Variants in ADGRL2 observed in about 807,000 individuals in gnomAD.
ADGRL2 encodes adhesion G protein-coupled receptor L2, also known as calcium-independent alpha-latrotoxin receptor 2.
Under a neutral mutation model 157.4 loss-of-function variants are expected in ADGRL2, and 44 were observed. The observed-to-expected ratio is 0.28, with a 90% confidence interval of 0.22 to 0.36. The LOEUF is 0.36. Among genes scored for constraint, ADGRL2 ranks in the 10% least tolerant of loss-of-function variants. The probability of loss-of-function intolerance (pLI) is 1.00; values close to 1 mark genes in which losing one functional copy is unlikely to be tolerated. For missense variants in ADGRL2, 1,510 were observed against 1,768.9 expected (o/e 0.85, Z 2.63); for synonymous variants, 585 against 624.7 (o/e 0.94, Z 0.95).
intron 1 of ADGRL2, among the ~76,000 whole-genome samples, chr1:81,372,624 T>C (rs1439475674): frequency 6.6e-6 from 1 of 152,258 alleles, no homozygotes; most frequent in African/African-American, 2.4e-5. Flanking sequence ...TTATTTTCTC[T>C]GTTACTCCAT....
chr1:81,588,816 C>G (rs905412597), intron 3 of ADGRL2, among the ~76,000 whole-genome samples: 2 of 152,188 alleles, frequency 1.3e-5, no homozygotes, highest in Non-Finnish European at 2.9e-5. Flanking sequence ...ATTTATCCTG[C>G]CAATACAGTA....
chr1:81,906,411 A>C (rs753296916), intron 2 of ADGRL2, among the ~76,000 whole-genome samples: 2 of 152,188 alleles, frequency 1.3e-5, no homozygotes, highest in Non-Finnish European at 2.9e-5. Flanking sequence ...GGATGGGAGC[A>C]GTGCTAGCTC....
chr1:81,836,779 C>T, intron 1 of ADGRL2, 106 bp from the exon 2 acceptor site: 1 of 428,008 alleles, frequency 2.3e-6, no homozygotes, highest in Non-Finnish European at 4.1e-6. Context: ...GACATAGAAT[C>T]AAAATATGTT....
intron 2 of ADGRL2, among the ~76,000 whole-genome samples, chr1:81,474,612 T>C (rs1192728504): frequency 6.6e-6 from 1 of 152,168 alleles, no homozygotes; most frequent in Non-Finnish European, 1.5e-5. Flanking sequence ...GCAAATGCAG[T>C]CCATTTTAGA....
chr1:81,428,520 G>GC (rs2077260712), intron 1 of ADGRL2, among the ~76,000 whole-genome samples: 1 of 152,178 alleles, frequency 6.6e-6, no homozygotes, highest in African/African-American at 2.4e-5. Flanking sequence ...GGGAGTCATA[G>GC]CAAGTATGAA....
At chr1:81,765,261 G>A (rs10874268) in intron 2 of ADGRL2, among the ~76,000 whole-genome samples, 99,840 of 151,666 alleles carry the variant, frequency 0.66, 33,726 homozygotes, top group East Asian at 0.97. Flanking sequence ...GAAATCAAAT[G>A]TTTAAATATA....
chr1:81,460,128 C>A (rs764630237), intron 2 of ADGRL2, among the ~76,000 whole-genome samples: 12 of 151,890 alleles, frequency 7.9e-5, no homozygotes, highest in Non-Finnish European at 1.6e-4. Context: ...ACCTGTTGCC[C>A]ATTTGTATTT....
chr1:81,415,805 T>C (rs1353765807), intron 1 of ADGRL2, among the ~76,000 whole-genome samples: 2 of 151,870 alleles, frequency 1.3e-5, no homozygotes, highest in African/African-American at 4.8e-5. Flanking sequence ...AATGGATGAA[T>C]ACATGAATAA....
At chr1:81,546,001 C>T (rs2080007917) in intron 2 of ADGRL2, among the ~76,000 whole-genome samples, 1 of 152,170 alleles carries the variant, frequency 6.6e-6, no homozygotes, top group Admixed American at 6.5e-5. Flanking sequence ...TATCCTGCCA[C>T]TGGGTGCGGG....
intron 1 of ADGRL2, among the ~76,000 whole-genome samples, chr1:81,741,899 T>C (rs2149225060): frequency 6.6e-6 from 1 of 152,050 alleles, no homozygotes; most frequent in South Asian, 2.1e-4. Context: ...TTGCCAAGGA[T>C]TTTGATACAA....
chr1:81,509,519 G>A (rs541457258), intron 2 of ADGRL2, among the ~76,000 whole-genome samples: 28 of 152,210 alleles, frequency 1.8e-4, no homozygotes, highest in South Asian at 1.7e-3. Flanking sequence ...TTGACACACC[G>A]TTCGTACGAA....
intron 1 of ADGRL2, among the ~76,000 whole-genome samples, chr1:81,803,698 C>T (rs1336990366): frequency 6.6e-6 from 1 of 152,102 alleles, no homozygotes; most frequent in Non-Finnish European, 1.5e-5. Context: ...TGAGCTGCAG[C>T]TACCAACCAT....
rs149028854 is a variant in ADGRL2 at position 81,563,319 on chromosome 1, C to T, written c.-247-17557C>T. Among the ~76,000 whole-genome samples, 637 of 152,246 alleles carry T rather than the reference C, an allele frequency of 4.2e-3. 7 individuals carry two copies. The highest frequency in any genetic ancestry group is 0.015 in the African/African-American group (616 of 41,554). On this transcript the variant is annotated intron_variant, in intron 2 of 24. Coordinates refer to the ADGRL2 transcript ENST00000370721. ...GGTGGTTTTTATTGCTCTTCCTTGACAACCTTCTGGTGTCTGTGTCACTAT... is the reference window on the plus strand; with the variant it reads ...GGTGGTTTTTATTGCTCTTCCTTGATAACCTTCTGGTGTCTGTGTCACTAT...
chr1:81,787,628 C>G (rs2087118932), intron 2 of ADGRL2, among the ~76,000 whole-genome samples: 1 of 151,702 alleles, frequency 6.6e-6, no homozygotes, highest in Admixed American at 6.6e-5. Context: ...GCACTTCAGC[C>G]TGGGTGACAG....
chr1:81,772,249 C>CA (rs769058340), intron 2 of ADGRL2, among the ~76,000 whole-genome samples: 5,739 of 94,946 alleles, frequency 0.06, 148 homozygotes, highest in South Asian at 0.097. Context: ...GACTCTATCT[C>CA]AAAAAAAAAA....
rs909612501 is a variant in ADGRL2, at chr1:81,837,009, C to A, written c.25C>A (p.Arg9=). The change falls in exon 2 of 24, where the codon CGA becomes AGA. Residue 9 remains arginine (R), a synonymous_variant. Coordinates refer to ENST00000686636, the MANE Select transcript of ADGRL2 (RefSeq NM_001366006.2). ...AATGGTGTCTTCTGGTTGCAGAATGCGAAGTCTGTGGTTTATCATTGTAAT... is the reference window on the plus strand; with the variant it reads ...AATGGTGTCTTCTGGTTGCAGAATGAGAAGTCTGTGGTTTATCATTGTAAT... MVSSGCRM[R]SLWFIIVISF... 1 of 1,591,130 alleles carries A rather than the reference C, an allele frequency of 6.3e-7. No individual in the cohort carries two copies. The highest frequency in any genetic ancestry group is 8.5e-7 in the Non-Finnish European group (1 of 1,169,730).
chr1:81,528,832 A>G (rs1028598049), intron 2 of ADGRL2, among the ~76,000 whole-genome samples: 42 of 152,310 alleles, frequency 2.8e-4, no homozygotes, highest in African/African-American at 8.4e-4. Context: ...TATGGATAAA[A>G]TAGAATTTTA....
chr1:81,755,258 G>A (rs2149283793), intron 1 of ADGRL2, among the ~76,000 whole-genome samples: 1 of 149,388 alleles, frequency 6.7e-6, no homozygotes. Flanking sequence ...GATAATTGTA[G>A]TATTTGTCAC....
intron 2 of ADGRL2, among the ~76,000 whole-genome samples, chr1:81,535,521 G>A (rs934019119): frequency 1.3e-5 from 2 of 152,078 alleles, no homozygotes; most frequent in African/African-American, 2.4e-5. Context: ...TTTCAAAATT[G>A]AATTTGTAGT....
Sources: gnomAD v4.1 joint callset for allele counts (sites outside exome capture counted in the v4.1 genomes callset) on GRCh38, gnomAD v4.1.1 for gene constraint, MANE v1.5 for transcripts, NCBI Gene and HGNC (gene_info 2026-07-23, HGNC 2026-07-21) for gene names.